Variants in ADAMTS18 observed in about 807,000 individuals in gnomAD.
The protein encoded by ADAMTS18 is ADAM metallopeptidase with thrombospondin type 1 motif 18.
A neutral mutation model predicts 165.9 loss-of-function variants in ADAMTS18; 157 were observed. The observed-to-expected ratio is 0.95, with a 90% CI of 0.83 to 1.08. The LOEUF (loss-of-function observed/expected upper bound fraction) is 1.08, where lower values mean the gene tolerates loss of function less well. Among genes scored for constraint, ADAMTS18 ranks in the 50% least tolerant of loss-of-function variants. The pLI, the probability that ADAMTS18 is intolerant of heterozygous loss-of-function variation, is 0.00. For synonymous variants in ADAMTS18, 782 were observed against 578.2 expected, an observed-to-expected ratio of 1.35 and a Z score of -5.06; for missense variants, 2,040 against 1,534.0, an observed-to-expected ratio of 1.33 and a Z score of -5.51.
At chr16:77,298,929 A>C (rs1048181482) in intron 17 of ADAMTS18, among the ~76,000 whole-genome samples, 1 of 152,266 alleles carries the variant, frequency 6.6e-6, no homozygotes, top group Non-Finnish European at 1.5e-5. Context: ...GGGGTTGCTA[A>C]GGCAGGGCAA....
intron 10 of ADAMTS18, 71 bp from the exon 11 acceptor site, chr16:77,341,870 G>C: frequency 8.7e-7 from 1 of 1,152,116 alleles, no homozygotes; most frequent in Non-Finnish European, 1.3e-6. Flanking sequence ...CAAAGATGTT[G>C]TATATAATAT....
chr16:77,316,550 G>C (rs570398340), intron 16 of ADAMTS18, among the ~76,000 whole-genome samples: 1 of 152,176 alleles, frequency 6.6e-6, no homozygotes, highest in African/African-American at 2.4e-5. Context: ...TTTGTATTAT[G>C]TGTGGGCCAC....
At chr16:77,418,844 A>C (rs2057563488) in intron 3 of ADAMTS18, among the ~76,000 whole-genome samples, 3 of 152,214 alleles carry the variant, frequency 2.0e-5, no homozygotes. Context: ...CCACAAACTC[A>C]GCAGCTTAAA....
intron 4 of ADAMTS18, among the ~76,000 whole-genome samples, chr16:77,365,568 C>T (rs2056781252): frequency 6.6e-6 from 1 of 152,156 alleles, no homozygotes; most frequent in South Asian, 2.1e-4. Context: ...AAAGGGTGCG[C>T]ACCAAGTTAA....
intron 3 of ADAMTS18, among the ~76,000 whole-genome samples, chr16:77,430,026 G>T (rs1031740472): frequency 6.6e-6 from 1 of 152,176 alleles, no homozygotes; most frequent in Non-Finnish European, 1.5e-5. Flanking sequence ...CTGGTATGTG[G>T]AATGGGATAG....
Position 77,282,812 on chromosome 16 carries a change from G to A in ADAMTS18, c.*1144C>T, listed in dbSNP as rs369660472. The stretch of plus-strand genomic sequence containing the variant: ...TGATGACTGAAAATACTCTTATTCA[G>A]TGAGGGTCTTGTCATATTATGATTT... On this transcript the variant is annotated 3_prime_UTR_variant, in exon 23 of 23. Coordinates refer to ENST00000282849, the MANE Select transcript of ADAMTS18 (RefSeq NM_199355.4). 6.6e-6 allele frequency: 1 copy of A among 152,132 alleles called. No homozygotes were observed. The highest frequency in any genetic ancestry group is 1.5e-5 in the Non-Finnish European group (1 of 67,956). 9.4% of individuals were successfully genotyped at this position (152,132 alleles called of 1,614,324 possible).
At chr16:77,309,964 G>A (rs1352045764) in intron 16 of ADAMTS18, among the ~76,000 whole-genome samples, 1 of 152,160 alleles carries the variant, frequency 6.6e-6, no homozygotes, top group East Asian at 1.9e-4. Context: ...TACTTTAAAT[G>A]CTATTTGCTG....
chr16:77,413,460 C>A (rs1347402449), intron 3 of ADAMTS18, among the ~76,000 whole-genome samples: 1 of 152,162 alleles, frequency 6.6e-6, no homozygotes. Context: ...TTGTTCAAAT[C>A]CATTTGAGTA....
In ADAMTS18 at chr16:77,370,391, C is replaced by T. The variant is rs537318358; in HGVS notation, c.496-2668G>A. Reference sequence around the variant, plus strand: ...AGAGGAACACAGTAGAGTTGTAGGACGCAAAAATCAACACAAAACATCAGT... The same window carrying T: ...AGAGGAACACAGTAGAGTTGTAGGATGCAAAAATCAACACAAAACATCAGT... On this transcript the variant is annotated intron_variant, in intron 3 of 22. Transcript: ENST00000282849. Among the ~76,000 whole-genome samples, 9 of 152,220 alleles carry T rather than the reference C, an allele frequency of 5.9e-5. No individual in the cohort carries two copies. In the East Asian group the frequency reaches 1.3e-3, roughly 23 times the overall value.
At position 77,282,251 on chromosome 16, in the gene ADAMTS18, T is replaced by C. The variant is rs2055159597; in HGVS notation, c.*1705A>G. The C allele has an allele frequency of 6.6e-6, 1 of 152,132 alleles. No individual in the cohort carries two copies. Among genetic ancestry groups the C allele is most frequent in the South Asian group, 2.1e-4 (1 of 4,826 alleles). The allele number at this position is 152,132 out of a possible 1,614,324, so 9.4% of individuals were successfully genotyped here. ...CAACATTTTATCTCAAAATATTACTTAGAGAAGCAAGTGAGAACACATAAT... is the reference window on the plus strand; with the variant it reads ...CAACATTTTATCTCAAAATATTACTCAGAGAAGCAAGTGAGAACACATAAT... On this transcript the variant is annotated 3_prime_UTR_variant, in exon 23 of 23. Coordinates refer to ENST00000282849, the MANE Select transcript of ADAMTS18 (RefSeq NM_199355.4).
intron 3 of ADAMTS18, among the ~76,000 whole-genome samples, chr16:77,396,756 C>T (rs539017672): frequency 4.6e-4 from 69 of 151,394 alleles, no homozygotes; most frequent in African/African-American, 1.1e-3. Flanking sequence ...GCACATTAAA[C>T]GCTATTCCAG....
intron 3 of ADAMTS18, among the ~76,000 whole-genome samples, chr16:77,373,627 G>A (rs751098890): frequency 6.6e-6 from 1 of 152,036 alleles, no homozygotes; most frequent in Admixed American, 6.6e-5. Context: ...CTGCTCAGGT[G>A]GTGATGGGTG....
chr16:77,431,820 C>T (rs931001481), intron 2 of ADAMTS18: 12 of 599,828 alleles, frequency 2.0e-5, no homozygotes, highest in South Asian at 1.4e-4. Flanking sequence ...TACAGGTGCC[C>T]GAAAGCCAAG....
At position 77,367,542 on chromosome 16, in the gene ADAMTS18, C is replaced by G. The variant is rs1455598557; in HGVS notation, c.677G>C (p.Gly226Ala). 1.2e-6 allele frequency: 2 copies of G among 1,614,216 alleles called. No homozygotes were observed. Among genetic ancestry groups the G allele is most frequent in the Non-Finnish European group, 1.7e-6 (2 of 1,180,036 alleles). Residue 226 changes from glycine (G) to alanine (A), a missense_variant, in exon 4 of 23, where the codon GGT (glycine) becomes GCT (alanine). Transcript: ENST00000282849. ...ATGGGGAATGTGACTTGGGGAGTAA[C>G]CAGGATAATTCCGGCCAGAGCCGGG... Reference protein sequence around the residue: ...GYPGSGRNYPGYSPSHIPHAS... With the variant: ...GYPGSGRNYPAYSPSHIPHAS...
chr16:77,389,734 AAG>A (rs1202192716), intron 3 of ADAMTS18, among the ~76,000 whole-genome samples: 5 of 152,208 alleles, frequency 3.3e-5, no homozygotes, highest in South Asian at 4.1e-4. Flanking sequence ...CAAGTGAACA[AAG>A]AGAGAATGGG....
At chr16:77,429,978 G>C (rs896096622) in intron 3 of ADAMTS18, among the ~76,000 whole-genome samples, 1 of 152,114 alleles carries the variant, frequency 6.6e-6, no homozygotes, top group Non-Finnish European at 1.5e-5. Context: ...GTAAATGCTG[G>C]TCTGAGAATT....
At chr16:77,383,024 T>C (rs531097958) in intron 3 of ADAMTS18, among the ~76,000 whole-genome samples, 1 of 152,182 alleles carries the variant, frequency 6.6e-6, no homozygotes, top group South Asian at 2.1e-4. Context: ...CAAACTGACA[T>C]CCTATGGAAT....
chr16:77,364,923 T>A (rs1284502460), intron 4 of ADAMTS18, among the ~76,000 whole-genome samples: 1 of 151,902 alleles, frequency 6.6e-6, no homozygotes, highest in Non-Finnish European at 1.5e-5. Flanking sequence ...CTGGCCAACA[T>A]GGTGAAACCC....
chr16:77,333,369 C>G (rs1235122752), intron 12 of ADAMTS18, among the ~76,000 whole-genome samples: 1 of 151,652 alleles, frequency 6.6e-6, no homozygotes, highest in Non-Finnish European at 1.5e-5. Flanking sequence ...GGGCTTAAAG[C>G]TTAGATGATG....
Sources: gnomAD v4.1 joint callset for allele counts (sites outside exome capture counted in the v4.1 genomes callset) on GRCh38, gnomAD v4.1.1 for gene constraint, MANE v1.5 for transcripts, NCBI Gene and HGNC (gene_info 2026-07-23, HGNC 2026-07-21) for gene names.